PKP2: variants seen among roughly 807,000 people sequenced by gnomAD.
The protein encoded by PKP2 is plakophilin 2.
PKP2 carries 73 observed loss-of-function variants against 83.4 expected under a neutral mutation model. The ratio of observed to expected loss-of-function variants is 0.88; its 90% CI spans 0.72 to 1.06. The LOEUF (loss-of-function observed/expected upper bound fraction) is 1.06. Among genes scored for constraint, PKP2 ranks in the 50% least tolerant of loss-of-function variants. PKP2 has a pLI of 0.00. For missense variants in PKP2, 966 were observed against 1,065.4 expected, an observed-to-expected ratio of 0.91 and a Z score of 1.30; for synonymous variants, 409 against 430.4, an observed-to-expected ratio of 0.95 and a Z score of 0.62.
At chr12:32,835,873 G>C (rs1364805333) in intron 6 of PKP2, among the ~76,000 whole-genome samples, 1 of 152,088 alleles carries the variant, frequency 6.6e-6, no homozygotes, top group Non-Finnish European at 1.5e-5. Context: ...CTGGACCTCT[G>C]GGCTCAAGCA....
At chr12:32,822,440 C>A in intron 8 of PKP2, 27 bp downstream of exon 8, 1 of 1,597,978 alleles carries the variant, frequency 6.3e-7, no homozygotes, top group Non-Finnish European at 8.6e-7. Flanking sequence ...CTCCCTTTCT[C>A]ATTCTTTCAA....
At position 32,896,643 on chromosome 12, in the gene PKP2, A is replaced by T. The variant is rs1957128191; in HGVS notation, c.89T>A (p.Leu30Gln). ...QILGQLDSSS[L>Q]ALPSEAKLKL... ...CAGCTTGGCCTCGGAGGGCAGCGCCAGGCTGGAGCTGTCCAGTTGTCCCAG... is the reference window on the plus strand; with the variant it reads ...CAGCTTGGCCTCGGAGGGCAGCGCCTGGCTGGAGCTGTCCAGTTGTCCCAG... The change falls in exon 1 of 13, where the codon CTG becomes CAG. Residue 30 changes from leucine (L) to glutamine (Q), a missense_variant. Leu to Gln is a moderately radical substitution (Grantham distance 113). Coordinates refer to ENST00000340811, the MANE Select transcript of PKP2 (RefSeq NM_001005242.3). The T allele has an allele frequency of 5.1e-6, 8 of 1,572,686 alleles. No homozygotes were observed. Among genetic ancestry groups the T allele is most frequent in the Non-Finnish European group, 6.8e-6 (8 of 1,168,760 alleles).
intron 3 of PKP2, among the ~76,000 whole-genome samples, chr12:32,869,428 T>TA (rs5797488): frequency 0.15 from 22,252 of 151,016 alleles, 1,785 homozygotes; most frequent in Middle Eastern, 0.22. Context: ...CTACTAAAAA[T>TA]AAAAAAAATT....
intron 3 of PKP2, among the ~76,000 whole-genome samples, chr12:32,870,562 C>T (rs1956887133): frequency 6.6e-6 from 1 of 151,846 alleles, no homozygotes; most frequent in Non-Finnish European, 1.5e-5. Flanking sequence ...GAATTTGAGT[C>T]ACTTTTATCT....
chr12:32,805,712 TG>T (rs1249616057), intron 9 of PKP2, among the ~76,000 whole-genome samples: 4 of 152,218 alleles, frequency 2.6e-5, no homozygotes. Flanking sequence ...ATGGTAGCCC[TG>T]TAACACAGTT....
chr12:32,811,128 C>A (rs112906278), intron 9 of PKP2, among the ~76,000 whole-genome samples: 1 of 152,284 alleles, frequency 6.6e-6, no homozygotes, highest in South Asian at 2.1e-4. Flanking sequence ...TGAAACCAAT[C>A]AAAAAAGATG....
chr12:32,859,477 G>A (rs1289488604), intron 4 of PKP2, among the ~76,000 whole-genome samples: 2 of 151,758 alleles, frequency 1.3e-5, no homozygotes, highest in Non-Finnish European at 1.5e-5. Flanking sequence ...GTGTGTGTGT[G>A]ACAGAGTCTC....
intron 5 of PKP2, among the ~76,000 whole-genome samples, chr12:32,841,836 G>T (rs1377790988): frequency 6.6e-6 from 1 of 152,172 alleles, no homozygotes; most frequent in East Asian, 1.9e-4. Flanking sequence ...ATTTATTCTG[G>T]CTACCTCATG....
rs754530494 is a variant in PKP2 at position 32,843,173 on chromosome 12, G to C, written c.1379-1968C>G. The C allele has an allele frequency of 3.3e-5, 16 of 486,974 alleles. No homozygotes were observed. Among genetic ancestry groups the C allele is most frequent in the South Asian group, 2.2e-4 (15 of 67,942 alleles). The allele number at this position is 486,974 out of a possible 1,614,324, so 30.2% of individuals were successfully genotyped here. On this transcript the variant is annotated intron_variant, in intron 5 of 12. Coordinates refer to ENST00000340811, the MANE Select transcript of PKP2 (RefSeq NM_001005242.3). ...TTTTTTGTATTTTGAGTAGAGACAG[G>C]GGTCTCACCATGTTGGTCAGGCTGG...
intron 8 of PKP2, 74 bp downstream of exon 8, chr12:32,822,393 A>G (rs1372004553): frequency 1.6e-6 from 2 of 1,243,532 alleles, no homozygotes; most frequent in Non-Finnish European, 2.4e-6. Flanking sequence ...GTACTTAGAC[A>G]TACACATATA....
intron 1 of PKP2, among the ~76,000 whole-genome samples, chr12:32,893,136 T>C (rs1004284458): frequency 6.6e-6 from 1 of 152,118 alleles, no homozygotes; most frequent in Non-Finnish European, 1.5e-5. Context: ...AGACAAAGGG[T>C]TAAAGACTCT....
At chr12:32,858,573 T>C (rs1956774859) in intron 4 of PKP2, among the ~76,000 whole-genome samples, 1 of 152,070 alleles carries the variant, frequency 6.6e-6, no homozygotes, top group African/African-American at 2.4e-5. Context: ...TAAAGCAATA[T>C]CTAAAATATA....
chr12:32,802,533 T>C lies in PKP2; in HGVS notation c.2037A>G (p.Thr679=), dbSNP rs377504106. The change falls in exon 10 of 13, where the codon ACA becomes ACG. Residue 679 remains threonine, a synonymous_variant. Coordinates refer to ENST00000340811, the MANE Select transcript of PKP2 (RefSeq NM_001005242.3). ...GCAGGCCACTTTCCTTCTGGACAAC[T>C]GTCTGAGCCACTGATGTCGGCATCT... ...SGPMPTSVAQ[T]VVQKESGLQH... is the part of the protein sequence containing the mutation. 54 of 1,614,128 alleles carry C rather than the reference T, an allele frequency of 3.3e-5. No homozygotes were observed. In the East Asian group the frequency reaches 1.0e-3, roughly 30 times the overall value.
chr12:32,804,434 T>C (rs974089538), intron 9 of PKP2, among the ~76,000 whole-genome samples: 12 of 152,150 alleles, frequency 7.9e-5, no homozygotes, highest in Non-Finnish European at 4.4e-5. Flanking sequence ...GCCCATTAGC[T>C]ATTCTTCCAG....
intron 2 of PKP2, 128 bp from the exon 3 acceptor site, chr12:32,878,671 C>A (rs1230807501): frequency 1.2e-6 from 1 of 830,688 alleles, no homozygotes; most frequent in Non-Finnish European, 1.9e-6. Context: ...AAGTTTGCCC[C>A]TTTCTGGGTA....
chr12:32,896,417 G>T, intron 1 of PKP2, 92 bp downstream of exon 1: 1 of 990,478 alleles, frequency 1.0e-6, no homozygotes, highest in Non-Finnish European at 1.4e-6. Context: ...ACGGGGTCCC[G>T]CACTCCCAGC....
intron 4 of PKP2, among the ~76,000 whole-genome samples, chr12:32,854,376 T>A (rs998632340): frequency 2.6e-5 from 4 of 152,370 alleles, no homozygotes; most frequent in African/African-American, 9.6e-5. Flanking sequence ...GACTCCCTAG[T>A]GTCTGGCACT....
chr12:32,880,028 T>A (rs1956971282), intron 1 of PKP2, among the ~76,000 whole-genome samples: 1 of 151,310 alleles, frequency 6.6e-6, no homozygotes, highest in African/African-American at 2.4e-5. Context: ...AAGGCAGGAA[T>A]TCGGAAGCTT....
chr12:32,879,150 G>A (rs897725642), intron 1 of PKP2, 118 bp from the exon 2 acceptor site: 4 of 702,946 alleles, frequency 5.7e-6, no homozygotes, highest in Non-Finnish European at 1.0e-5. Flanking sequence ...CCAAGAACAA[G>A]TATTAAACGT....
Sources: gnomAD v4.1 joint callset for allele counts (sites outside exome capture counted in the v4.1 genomes callset) on GRCh38, gnomAD v4.1.1 for gene constraint, MANE v1.5 for transcripts, NCBI Gene and HGNC (gene_info 2026-07-23, HGNC 2026-07-21) for gene names.